Variants in NTN1 observed in about 807,000 individuals in gnomAD.
NTN1 encodes the protein netrin 1, also known as netrin-1.
Under a neutral mutation model 54.2 loss-of-function variants are expected in NTN1, and 11 were observed. The observed-to-expected ratio is 0.20, with a 90% CI of 0.13 to 0.34. The LOEUF (loss-of-function observed/expected upper bound fraction) is 0.34, where lower values mean the gene tolerates loss of function less well. Among genes scored for constraint, NTN1 ranks in the 10% least tolerant of loss-of-function variants. NTN1 has a pLI of 1.00. For synonymous variants in NTN1, 371 were observed against 382.0 expected, an observed-to-expected ratio of 0.97 and a Z score of 0.33; for missense variants, 740 against 893.1, an observed-to-expected ratio of 0.83 and a Z score of 2.18.
At position 9,164,543 on chromosome 17, in the gene NTN1, GCTGGTGCCCTT is replaced by G. The variant is rs537992788; in HGVS notation, c.1207+1546_1207+1556del. On this transcript the variant is annotated intron_variant, in intron 3 of 6. Coordinates refer to ENST00000173229, the MANE Select transcript of NTN1 (RefSeq NM_004822.3). The stretch of plus-strand genomic sequence containing the variant: ...ACAAGGACAGCAGAGTTTCAACCAA[GCTGGTGCCCTT>G]CTGAGCACGGGGCCCATGAATCCAA... Among the ~76,000 whole-genome samples the G allele has an allele frequency of 3.9e-3, 586 of 152,200 alleles. 1 individual carries two copies. Among genetic ancestry groups the G allele is most frequent in the African/African-American group, 0.013 (552 of 41,526 alleles).
At chr17:9,021,639 G>A (rs899740175) in intron 1 of NTN1, 54 bp downstream of exon 1, 2 of 151,658 alleles carry the variant, frequency 1.3e-5, no homozygotes, top group Admixed American at 6.6e-5. Flanking sequence ...AGCTCGGCGG[G>A]AGCGGCGGGA....
At position 9,221,926 on chromosome 17, in the gene NTN1, G is replaced by A. The variant is rs542702425; in HGVS notation, c.1486+684G>A. On this transcript the variant is annotated intron_variant, in intron 6 of 6. Transcript: ENST00000173229. This position sits in a 1 kb window ranked among gnomAD's most constrained non-coding sequence, Gnocchi z 4.5. ...GGAGGAGGGCCCCGCAGTGGCCAGC[G>A]GGCAGGTGTGTGTGAAGAGCTGGGG... 2.7e-4 allele frequency among the ~76,000 whole-genome samples: 41 copies of A among 152,312 alleles called. No individual in the cohort carries two copies. Among genetic ancestry groups the A allele is most frequent in the African/African-American group, 9.9e-4 (41 of 41,596 alleles).
intron 3 of NTN1, chr17:9,176,496 C>T (rs974761682): frequency 6.6e-6 from 1 of 152,272 alleles, no homozygotes; most frequent in Non-Finnish European, 1.5e-5. Flanking sequence ...AGCCTCTCTT[C>T]CTTTGGCACT....
At position 9,221,147 on chromosome 17, in the gene NTN1, T is replaced by TCGCCC; in HGVS notation, c.1412-20_1412-19insGCCCC. 4 of 1,303,810 alleles carry TCGCCC rather than the reference T, an allele frequency of 3.1e-6. No individual in the cohort carries two copies. The highest frequency in any genetic ancestry group is 3.1e-6 in the Non-Finnish European group (3 of 952,880). 80.8% of individuals were successfully genotyped at this position (1,303,810 alleles called of 1,614,324 possible). Reference sequence around the variant, plus strand: ...CAGCCTAATTAGTTTTTGTCTGTGCTCCCCCCCCACCCCCCTGCAGACTGC... The same window carrying TCGCCC: ...CAGCCTAATTAGTTTTTGTCTGTGCTCGCCCCCCCCCCCACCCCCCTGCAGACTGC... On this transcript the variant is annotated intron_variant, in intron 5 of 6. Transcript: ENST00000173229. This position sits in a 1 kb window ranked among gnomAD's most constrained non-coding sequence, Gnocchi z 4.5.
rs1370917223 is a variant in NTN1, at chr17:9,022,591, C to A, written c.218C>A (p.Pro73His). ...DVRVSSTCGRPPARYCVVSER... is the reference protein window; with the variant it reads ...DVRVSSTCGRHPARYCVVSER... ...CGCGTGTCCAGCACCTGCGGCCGGC[C>A]CCCGGCGCGCTACTGCGTGGTGAGC... is the stretch of plus-strand genomic sequence containing the variant. The change falls in exon 2 of 7, where the codon CCC becomes CAC. Residue 73 changes from proline (P) to histidine (H), a missense_variant. Coordinates refer to ENST00000173229, the MANE Select transcript of NTN1 (RefSeq NM_004822.3). 1.9e-6 allele frequency: 3 copies of A among 1,545,792 alleles called. No individual in the cohort carries two copies. Among genetic ancestry groups the A allele is most frequent in the Non-Finnish European group, 2.6e-6 (3 of 1,145,976 alleles).
chr17:9,136,434 A>G (rs747068397), intron 2 of NTN1, among the ~76,000 whole-genome samples: 4 of 152,072 alleles, frequency 2.6e-5, no homozygotes, highest in Admixed American at 6.6e-5. Context: ...AAAATTAGCC[A>G]GGCATAGTGG....
chr17:9,144,088 G>T (rs1043543562), intron 2 of NTN1, among the ~76,000 whole-genome samples: 1 of 152,032 alleles, frequency 6.6e-6, no homozygotes, highest in African/African-American at 2.4e-5. Flanking sequence ...TAGAGACAGG[G>T]TTTCACCATG....
chr17:9,198,731 C>A (rs914710654), intron 5 of NTN1, among the ~76,000 whole-genome samples: 1 of 152,172 alleles, frequency 6.6e-6, no homozygotes, highest in Admixed American at 6.5e-5. Flanking sequence ...GGAACTGGAG[C>A]GAGAGAATCA....
intron 5 of NTN1, among the ~76,000 whole-genome samples, chr17:9,200,960 T>A (rs928438195): frequency 6.6e-6 from 1 of 152,142 alleles, no homozygotes; most frequent in African/African-American, 2.4e-5. Context: ...CCCAAGTGAA[T>A]GAAGCCTCAA....
intron 6 of NTN1, among the ~76,000 whole-genome samples, chr17:9,230,510 A>G (rs1230178987): frequency 1.3e-5 from 2 of 150,392 alleles, no homozygotes; most frequent in Non-Finnish European, 3.0e-5. Flanking sequence ...CGCGTGAGTC[A>G]GTCTGAGGTC....
At chr17:9,038,265 C>CACACACACACACACA (rs55982115) in intron 2 of NTN1, among the ~76,000 whole-genome samples, 1,568 of 144,140 alleles carry the variant, frequency 0.011, 29 homozygotes, top group African/African-American at 0.022. Context: ...TTCTCTCTCT[C>CACACACACACACACA]CACACACACA....
At chr17:9,197,456 C>T (rs188796595) in intron 5 of NTN1, among the ~76,000 whole-genome samples, 64 of 151,934 alleles carry the variant, frequency 4.2e-4, no homozygotes, top group African/African-American at 1.3e-3. Flanking sequence ...GTCAGGAGTT[C>T]GAGACCAGCC....
chr17:9,035,103 C>A (rs899969489), intron 2 of NTN1, among the ~76,000 whole-genome samples: 1 of 152,202 alleles, frequency 6.6e-6, no homozygotes, highest in Non-Finnish European at 1.5e-5. Context: ...CCCGCCACCA[C>A]ACCCGGCTAA....
chr17:9,032,446 C>T (rs1225892186), intron 2 of NTN1, among the ~76,000 whole-genome samples: 2 of 152,218 alleles, frequency 1.3e-5, no homozygotes, highest in Non-Finnish European at 2.9e-5. Flanking sequence ...GGCCAGGACC[C>T]TGGTGCCTGA....
intron 6 of NTN1, among the ~76,000 whole-genome samples, chr17:9,227,403 A>C (rs1011799040): frequency 6.7e-6 from 1 of 148,444 alleles, no homozygotes; most frequent in Non-Finnish European, 1.5e-5. Context: ...ACACAGGCAC[A>C]CACACCACAT....
chr17:9,150,817 C>T (rs1459414826), intron 2 of NTN1, among the ~76,000 whole-genome samples: 2 of 151,964 alleles, frequency 1.3e-5, no homozygotes, highest in Non-Finnish European at 2.9e-5. Context: ...GAAAAAATGA[C>T]GGCGAGGTCA....
chr17:9,148,183 T>C (rs1238679027), intron 2 of NTN1, among the ~76,000 whole-genome samples: 1 of 152,186 alleles, frequency 6.6e-6, no homozygotes, highest in East Asian at 1.9e-4. Flanking sequence ...GGTCATCCAA[T>C]GGGCAGGGTC....
chr17:9,072,902 A>G (rs1432808695), intron 2 of NTN1, among the ~76,000 whole-genome samples: 1 of 152,144 alleles, frequency 6.6e-6, no homozygotes, highest in African/African-American at 2.4e-5. Flanking sequence ...ATTTCTGGCA[A>G]TCCGGAATGG....
Position 9,179,820 on chromosome 17 carries a change from C to T in NTN1, c.1221C>T (p.His407=), listed in dbSNP as rs1469854892. The T allele has an allele frequency of 6.2e-7, 1 of 1,613,820 alleles. No homozygotes were observed. Among genetic ancestry groups the T allele is most frequent in the Non-Finnish European group, 8.5e-7 (1 of 1,179,948 alleles). The part of the protein sequence containing the change: ...HRKACKACDC[H]PVGAAGKTCN... The stretch of plus-strand genomic sequence containing the variant: ...TGTTCTCTGCAGCCTGTGATTGCCA[C>T]CCTGTGGGTGCTGCTGGCAAAACCT... Residue 407 remains histidine, a synonymous_variant, in exon 4 of 7, where the codon CAC becomes CAT. Coordinates refer to ENST00000173229, the MANE Select transcript of NTN1 (RefSeq NM_004822.3).
Sources: allele counts gnomAD v4.1 joint callset (sites outside exome capture counted in the v4.1 genomes callset), GRCh38; gene constraint gnomAD v4.1.1; non-coding constraint Gnocchi (gnomAD v3.1); transcripts MANE v1.5; gene names NCBI Gene and HGNC (gene_info 2026-07-23, HGNC 2026-07-21).